The following PPIE variants were observed in gnomAD, a reference collection of about 807,000 sequenced individuals.
The protein encoded by PPIE is peptidyl-prolyl cis-trans isomerase E.
In PPIE, 20 loss-of-function variants were observed where a neutral mutation model predicts 38.4. That is an observed-to-expected ratio of 0.52 (90% CI 0.37 to 0.76). The LOEUF (loss-of-function observed/expected upper bound fraction) is 0.76, where lower values mean the gene tolerates loss of function less well. Among genes scored for constraint, PPIE ranks in the 30% least tolerant of loss-of-function variants. The pLI is 0.00. For missense variants in PPIE, 322 were observed against 385.8 expected, an observed-to-expected ratio of 0.83 and a Z score of 1.39; for synonymous variants, 142 against 135.7, an observed-to-expected ratio of 1.05 and a Z score of -0.32.
At chr1:39,743,336 G>A (rs771050437) in intron 5 of PPIE, 39 bp downstream of exon 5, 1 of 1,589,162 alleles carries the variant, frequency 6.3e-7, no homozygotes, top group South Asian at 1.1e-5. Flanking sequence ...GTGATGTTCT[G>A]CAGTTTGGCC....
chr1:39,756,615 C>G lies in PPIE; in HGVS notation c.*3260C>G, dbSNP rs1173821022. On this transcript the variant is annotated 3_prime_UTR_variant, in exon 10 of 10. Transcript: ENST00000324379. ...GTTGAAAATGGAGTCTTGTAGAGTT[C>G]AGTGATGGGAAACTAAAGTAGAAAA... 2.0e-5 allele frequency: 20 copies of G among 985,090 alleles called. No individual in the cohort carries two copies. Among genetic ancestry groups the G allele is most frequent in the Non-Finnish European group, 2.4e-5 (20 of 829,828 alleles). 61.0% of individuals were successfully genotyped at this position (985,090 alleles called of 1,614,324 possible). A position where few individuals can be genotyped will look rare whatever the true frequency, so the allele number is the denominator to read the frequency against.
intron 6 of PPIE, among the ~76,000 whole-genome samples, chr1:39,744,243 T>C (rs929526419): frequency 1.3e-5 from 2 of 152,232 alleles, no homozygotes; most frequent in Non-Finnish European, 2.9e-5. Flanking sequence ...TCACCCCTCC[T>C]GATCAGTCCC....
chr1:39,739,182 C>A, intron 1 of PPIE: 1 of 406,650 alleles, frequency 2.5e-6, no homozygotes, highest in Non-Finnish European at 4.3e-6. Context: ...TCCCGATTCG[C>A]TGGGTCTCCC....
intron 9 of PPIE, among the ~76,000 whole-genome samples, chr1:39,763,490 G>A (rs1649322609): frequency 6.9e-6 from 1 of 144,288 alleles, no homozygotes. Flanking sequence ...AGCTTAGTTG[G>A]TTGATTCAGT....
chr1:39,745,606 C>T, intron 7 of PPIE, 108 bp downstream of exon 7: 1 of 1,543,902 alleles, frequency 6.5e-7, no homozygotes. Flanking sequence ...TGCTTCTGAC[C>T]TAAGTTGATT....
chr1:39,741,822 G>T, intron 3 of PPIE, 73 bp from the exon 4 acceptor site: 1 of 1,553,590 alleles, frequency 6.4e-7, no homozygotes, highest in South Asian at 1.1e-5. Context: ...TTTTGCTACT[G>T]AGCATGTGTT....
chr1:39,741,227 A>C, intron 2 of PPIE, 139 bp from the exon 3 acceptor site: 1 of 705,292 alleles, frequency 1.4e-6, no homozygotes, highest in South Asian at 1.8e-5. Context: ...CAAGAATGAG[A>C]TTCCTTCTTC....
chr1:39,745,327 T>A (rs754333249), intron 6 of PPIE, 48 bp from the exon 7 acceptor site: 1 of 1,612,462 alleles, frequency 6.2e-7, no homozygotes, highest in South Asian at 1.1e-5. Context: ...CACTCCTACT[T>A]AGGGCGTCAG....
chr1:39,749,447 T>G lies in PPIE; in HGVS notation c.694+359T>G, dbSNP rs1647472561. Among the ~76,000 whole-genome samples, 5 of 152,158 alleles carry G rather than the reference T, an allele frequency of 3.3e-5. No individual in the cohort carries two copies. The South Asian group carries it at 1.0e-3, about 32-fold the overall frequency. ...AGCAACTAGAGAAAAAACACAGAAT[T>G]GTACTGAACAATCCCACTTGAAATT... On this transcript the variant is annotated intron_variant, in intron 8 of 9. Coordinates refer to ENST00000324379, the MANE Select transcript of PPIE (RefSeq NM_006112.4).
chr1:39,749,231 G>A (rs1024557424), intron 8 of PPIE, 143 bp downstream of exon 8: 89 of 849,812 alleles, frequency 1.0e-4, no homozygotes, highest in Admixed American at 3.0e-5. Flanking sequence ...GGAGAACCAT[G>A]CAGCCTTGCT....
chr1:39,743,059 C>T (rs1647101715), intron 4 of PPIE, 157 bp from the exon 5 acceptor site: 1 of 598,590 alleles, frequency 1.7e-6, no homozygotes. Context: ...TTCCCTGAAA[C>T]CCACAGGTGG....
intron 8 of PPIE, 123 bp from the exon 9 acceptor site, chr1:39,752,787 A>C (rs1647871450): frequency 8.6e-7 from 1 of 1,167,054 alleles, no homozygotes. Context: ...CCGCATTTGC[A>C]TGTGATCTGT....
intron 8 of PPIE, among the ~76,000 whole-genome samples, chr1:39,749,909 G>A (rs186855830): frequency 2.2e-3 from 329 of 152,238 alleles, no homozygotes; most frequent in South Asian, 0.015. Flanking sequence ...AGAGGCAGGC[G>A]GATCACCTGA....
chr1:39,748,193 T>C (rs180706282), intron 7 of PPIE: 1 of 152,352 alleles, frequency 6.6e-6, no homozygotes, highest in Admixed American at 6.5e-5. Flanking sequence ...TGCTTTGCCC[T>C]CTATTGGTAC....
chr1:39,750,267 C>T (rs1328814080), intron 8 of PPIE, among the ~76,000 whole-genome samples: 6 of 152,174 alleles, frequency 3.9e-5, no homozygotes, highest in African/African-American at 7.2e-5. Flanking sequence ...TTGCTGCCTT[C>T]GCGTTTTCTC....
chr1:39,753,253 G>C, intron 9 of PPIE, 34 bp from the exon 10 acceptor site: 1 of 1,612,166 alleles, frequency 6.2e-7, no homozygotes, highest in Non-Finnish European at 8.5e-7. Context: ...GTTAGTCTCC[G>C]GCCTTACTCC....
Position 39,756,484 on chromosome 1 carries a change from T to C in PPIE, c.*3129T>C, listed in dbSNP as rs1569730265. The C allele has an allele frequency of 1.0e-6, 1 of 985,338 alleles. No homozygotes were observed. Among genetic ancestry groups the C allele is most frequent in the East Asian group, 1.1e-4 (1 of 8,810 alleles). The allele number at this position is 985,338 out of a possible 1,614,324, so 61.0% of individuals were successfully genotyped here. On this transcript the variant is annotated 3_prime_UTR_variant, in exon 10 of 10. Transcript: ENST00000324379. ...CAGTGCTGTGGCTGTTGGAGTGTCC[T>C]CTCCAACAGCATGACAGCCGCCTCC...
At chr1:39,763,033 A>T (rs1450194864) in intron 9 of PPIE, 25 of 1,580,738 alleles carry the variant, frequency 1.6e-5, no homozygotes, top group Non-Finnish European at 2.0e-5. Context: ...GCTGGACCAG[A>T]CCCCTCTCCA....
chr1:39,762,564 C>G (rs562516798), intron 9 of PPIE: 3 of 1,550,352 alleles, frequency 1.9e-6, no homozygotes, highest in Non-Finnish European at 2.6e-6. Flanking sequence ...CCAGAAAAAA[C>G]AAAGATGGCC....
Sources: allele counts gnomAD v4.1 joint callset (sites outside exome capture counted in the v4.1 genomes callset), GRCh38; gene constraint gnomAD v4.1.1; transcripts MANE v1.5; gene names NCBI Gene and HGNC (gene_info 2026-07-23, HGNC 2026-07-21).